GRK1: variants seen among roughly 807,000 people sequenced by gnomAD.
GRK1 encodes the protein rhodopsin kinase GRK1.
A neutral mutation model predicts 41.7 loss-of-function variants in GRK1; 28 were observed. The ratio of observed to expected loss-of-function variants is 0.67; its 90% CI spans 0.50 to 0.92. The LOEUF is 0.92. Among genes scored for constraint, GRK1 ranks in the 40% least tolerant of loss-of-function variants. The pLI, the probability that GRK1 is intolerant of heterozygous loss-of-function variation, is 0.00. For missense variants in GRK1, 703 were observed against 671.2 expected (o/e 1.05, Z -0.52); for synonymous variants, 327 against 286.7 (o/e 1.14, Z -1.42).
At chr13:113,651,767 C>T in the GRK1 span, 1 of 1,606,746 alleles carries the variant, frequency 6.2e-7, no homozygotes, top group African/African-American at 1.3e-5. Context: ...TCCCCACCCC[C>T]ACCGCCATGT....
the GRK1 span, among the ~76,000 whole-genome samples, chr13:113,659,606 AT>A: frequency 6.6e-6 from 1 of 151,158 alleles, no homozygotes; most frequent in South Asian, 2.1e-4. Context: ...TATTTCTTTT[AT>A]TTTTTTGTAG....
chr13:113,732,795 C>T (rs2049946460), intron 5 of GRK1, 89 bp from the exon 6 acceptor site: 15 of 1,396,720 alleles, frequency 1.1e-5, no homozygotes, highest in South Asian at 2.6e-5. Flanking sequence ...CGTGGGTGAG[C>T]GGTGGCTCTT....
chr13:113,653,417 C>T, the GRK1 span: 7 of 1,614,240 alleles, frequency 4.3e-6, no homozygotes, highest in East Asian at 6.7e-5. Flanking sequence ...CCGTAAACAT[C>T]CGGCCTTAAG....
the GRK1 span, chr13:113,652,775 GC>G: frequency 7.1e-7 from 1 of 1,412,426 alleles, no homozygotes; most frequent in Admixed American, 1.9e-5. Flanking sequence ...GCTTGGGCAA[GC>G]CCCAGACAGG....
At chr13:113,733,969 C>CGT (rs1315183203) in intron 6 of GRK1, among the ~76,000 whole-genome samples, 41 of 87,908 alleles carry the variant, frequency 4.7e-4, no homozygotes, top group African/African-American at 2.0e-3. Context: ...CGTGTGTGTG[C>CGT]GTGTGTGCGC....
upstream of GRK1, among the ~76,000 whole-genome samples, chr13:113,664,048 G>A (rs1024502451): frequency 1.3e-4 from 20 of 152,192 alleles, no homozygotes; most frequent in Admixed American, 8.5e-4. The surrounding 1 kb of genome is among the most constrained non-coding windows in gnomAD (Gnocchi z 5.4). Flanking sequence ...ACGGCGAAAC[G>A]GACTGTGGCA....
At chr13:113,672,031 C>T (rs1161744645) in intron 3 of GRK1, among the ~76,000 whole-genome samples, 5 of 151,582 alleles carry the variant, frequency 3.3e-5, no homozygotes, top group South Asian at 2.1e-4. Context: ...GCGTGGGGGG[C>T]GGGGCGAGAG....
chr13:113,670,297 T>C (rs1233908626), intron 2 of GRK1, among the ~76,000 whole-genome samples: 1 of 151,804 alleles, frequency 6.6e-6, no homozygotes, highest in Non-Finnish European at 1.5e-5. Flanking sequence ...GCCCCGGATC[T>C]GCCGCTGAGA....
chr13:113,734,185 G>A (rs922062429), intron 6 of GRK1, among the ~76,000 whole-genome samples: 1 of 152,196 alleles, frequency 6.6e-6, no homozygotes, highest in Non-Finnish European at 1.5e-5. Flanking sequence ...CTTAGGACAG[G>A]GCCACAGGTG....
At chr13:113,653,898 G>A in the GRK1 span, among the ~76,000 whole-genome samples, 3 of 152,212 alleles carry the variant, frequency 2.0e-5, no homozygotes, top group Admixed American at 6.5e-5. Flanking sequence ...CGACTTTCCC[G>A]ATGTGAACCG....
At chr13:113,659,429 C>A in the GRK1 span, among the ~76,000 whole-genome samples, 1 of 152,132 alleles carries the variant, frequency 6.6e-6, no homozygotes, top group African/African-American at 2.4e-5. Context: ...ACCCGTGTAA[C>A]CAAATTCATT....
rs143108659 is a variant in GRK1 at position 113,735,884 on chromosome 13, A to C, written c.*521A>C. 36,528 of 152,336 alleles carry C rather than the reference A, an allele frequency of 0.24. 6,750 individuals carry two copies. The highest frequency in any genetic ancestry group is 0.51 in the African/African-American group (21,247 of 41,440). The allele number at this position is 152,336 out of a possible 1,614,324, so 9.4% of individuals were successfully genotyped here. A position where few individuals can be genotyped will look rare whatever the true frequency, so the allele number is the denominator to read the frequency against. On this transcript the variant is annotated 3_prime_UTR_variant, in exon 7 of 7. Coordinates refer to ENST00000335678, the MANE Select transcript of GRK1 (RefSeq NM_002929.3). The stretch of plus-strand genomic sequence containing the variant: ...CCAGGTCCCTCTGTGCAGGCTCCTG[A>C]CTTCCAGGGTGCCCGGGCCCTGTGC...
At chr13:113,733,171 T>C in intron 6 of GRK1, 86 bp downstream of exon 6, 1 of 1,377,326 alleles carries the variant, frequency 7.3e-7, no homozygotes, top group East Asian at 2.5e-5. Context: ...CCTGTGAGAG[T>C]CGGCAGGGAG....
chr13:113,667,024 T>G (rs2049822795), upstream of GRK1: 1 of 179,472 alleles, frequency 5.6e-6, no homozygotes, highest in Non-Finnish European at 1.2e-5. This position sits in a 1 kb window ranked among gnomAD's most constrained non-coding sequence, Gnocchi z 7.5. Context: ...AGCCTGGTGG[T>G]TGTTTGTCCT....
In GRK1 at chr13:113,671,329, G is replaced by A. The variant is rs185469607; in HGVS notation, c.828-170G>A. Among the ~76,000 whole-genome samples the A allele has an allele frequency of 2.4e-3, 366 of 152,310 alleles. 1 individual carries two copies. Among genetic ancestry groups the A allele is most frequent in the African/African-American group, 8.5e-3 (353 of 41,556 alleles). ...TCAGGGTCCCTGAGCTGCTAACGCC[G>A]CCAGCCACCATGGCCTTCGGGTGTC... On this transcript the variant is annotated intron_variant, in intron 2 of 6. Coordinates refer to ENST00000335678, the MANE Select transcript of GRK1 (RefSeq NM_002929.3). The surrounding 1 kb of genome is among the most constrained non-coding windows in gnomAD (Gnocchi z 4.1).
At chr13:113,665,863 T>G (rs1387820557), upstream of GRK1, among the ~76,000 whole-genome samples, 1 of 149,778 alleles carries the variant, frequency 6.7e-6, no homozygotes, top group African/African-American at 2.5e-5. Flanking sequence ...GTCCCAGGTG[T>G]GTCCAAGATG....
the GRK1 span, chr13:113,652,802 GT>G: frequency 6.5e-7 from 1 of 1,540,354 alleles, no homozygotes; most frequent in East Asian, 2.3e-5. Context: ...TGTGCTCCTC[GT>G]GGTGGGTGTG....
chr13:113,664,758 G>A (rs1176838629), upstream of GRK1, among the ~76,000 whole-genome samples: 1 of 152,124 alleles, frequency 6.6e-6, no homozygotes, highest in Non-Finnish European at 1.5e-5. This position sits in a 1 kb window ranked among gnomAD's most constrained non-coding sequence, Gnocchi z 5.4. Flanking sequence ...CAAGGTCTCC[G>A]GGCGATTCAT....
the GRK1 span, among the ~76,000 whole-genome samples, chr13:113,652,183 C>T: frequency 6.6e-6 from 1 of 152,226 alleles, no homozygotes; most frequent in African/African-American, 2.4e-5. Flanking sequence ...CCATCCCCTG[C>T]TGTGCTCCGA....
Sources: allele counts gnomAD v4.1 joint callset (sites outside exome capture counted in the v4.1 genomes callset), GRCh38; gene constraint gnomAD v4.1.1; non-coding constraint Gnocchi (gnomAD v3.1); transcripts MANE v1.5; gene names NCBI Gene and HGNC (gene_info 2026-07-23, HGNC 2026-07-21).